Variants in USP22 observed in about 807,000 individuals in gnomAD.
USP22 encodes ubiquitin carboxyl-terminal hydrolase 22.
In USP22, 22 loss-of-function variants were observed where a neutral mutation model predicts 68.1. The observed-to-expected ratio is 0.32, with a 90% CI of 0.23 to 0.46. The LOEUF is 0.46. USP22 is among the 20% of genes least tolerant of loss of function. USP22 has a pLI of 1.00. For synonymous variants in USP22, 279 were observed against 274.2 expected, an observed-to-expected ratio of 1.02 and a Z score of -0.17; for missense variants, 433 against 695.8, an observed-to-expected ratio of 0.62 and a Z score of 4.25.
At position 21,019,172 on chromosome 17, in the gene USP22, CTT is replaced by C. The variant is rs940212814; in HGVS notation, c.430_431del (p.Lys144ValfsTer12). On this transcript the variant is annotated frameshift_variant, in exon 4 of 13. Coordinates refer to ENST00000261497, the MANE Select transcript of USP22 (RefSeq NM_015276.2). LOFTEE classifies it high-confidence loss of function. ...GTTTGGTTGGTTCCCAAGTTGAAAA[CTT>C]CTCTCCAACGCCTAAGCAGATGAAG... is the stretch of plus-strand genomic sequence containing the variant. Reference protein sequence around the residue: ...KAWKMQGVGEKFSTWEPTKRE... With the variant: ...KAWKMQGVGEXFSTWEPTKRE... 1 of 1,613,998 alleles carries C rather than the reference CTT, an allele frequency of 6.2e-7. No individual in the cohort carries two copies. The highest frequency in any genetic ancestry group is 1.3e-5 in the African/African-American group (1 of 74,934).
At position 21,000,377 on chromosome 17, in the gene USP22, C is replaced by T; in HGVS notation, c.*2654G>A. On this transcript the variant is annotated 3_prime_UTR_variant, in exon 13 of 13. Transcript: ENST00000261497. ...CAGGGCCGCCGCCGCCTCCTGTGAGCAGCTCTTCAGCAGCAGGCATCAGGT... is the reference window on the plus strand; with the variant it reads ...CAGGGCCGCCGCCGCCTCCTGTGAGTAGCTCTTCAGCAGCAGGCATCAGGT... The T allele has an allele frequency of 6.6e-6, 1 of 152,454 alleles. No homozygotes were observed. Among genetic ancestry groups the T allele is most frequent in the Non-Finnish European group, 1.5e-5 (1 of 68,120 alleles). The allele number at this position is 152,454 out of a possible 1,614,324, so 9.4% of individuals were successfully genotyped here.
In USP22 at chr17:21,015,857, G is replaced by A. The variant is rs942021050; in HGVS notation, c.733C>T (p.Leu245=). The change falls in exon 6 of 13, where the codon CTG becomes TTG. Residue 245 remains leucine (L), a synonymous_variant. Coordinates refer to ENST00000261497, the MANE Select transcript of USP22 (RefSeq NM_015276.2). Reference sequence around the variant, plus strand: ...CTCGCGTGGGTCCACACCAGGTGCAGCAACTTATACGGGATGTGAGGGGAC... The same window carrying A: ...CTCGCGTGGGTCCACACCAGGTGCAACAACTTATACGGGATGTGAGGGGAC... ...HRSPHIPYKL[L]HLVWTHARHL... The A allele has an allele frequency of 1.2e-6, 2 of 1,614,144 alleles. No homozygotes were observed. Among genetic ancestry groups the A allele is most frequent in the Admixed American group, 1.7e-5 (1 of 60,024 alleles).
intron 1 of USP22, among the ~76,000 whole-genome samples, chr17:21,031,281 T>C (rs1972287793): frequency 6.6e-6 from 1 of 152,210 alleles, no homozygotes; most frequent in South Asian, 2.1e-4. Flanking sequence ...TGTTCATGAC[T>C]TGTAAAAAGA....
intron 1 of USP22, 130 bp downstream of exon 1, chr17:21,042,535 G>A (rs1972452344): frequency 6.8e-6 from 6 of 883,950 alleles, no homozygotes; most frequent in Non-Finnish European, 9.0e-6. Flanking sequence ...GGCAGAAGGA[G>A]AGAGGAAGAG....
At chr17:21,039,096 C>A (rs1286439248) in intron 1 of USP22, among the ~76,000 whole-genome samples, 1 of 151,944 alleles carries the variant, frequency 6.6e-6, no homozygotes, top group Non-Finnish European at 1.5e-5. Context: ...GGATTACAGG[C>A]GCGTGCCACC....
chr17:21,003,085 G>T lies in USP22; in HGVS notation c.1536-12C>A. 6.2e-7 allele frequency: 1 copy of T among 1,613,876 alleles called. No individual in the cohort carries two copies. Among genetic ancestry groups the T allele is most frequent in the Non-Finnish European group, 8.5e-7 (1 of 1,179,884 alleles). On this transcript the variant is annotated splice_polypyrimidine_tract_variant and intron_variant, in intron 12 of 12. Transcript: ENST00000261497. Reference sequence around the variant, plus strand: ...AGAACAGCAAGTACCTGTGGAGGCAGAGAGAGGGAGGAGGCTCACCTCTAA... The same window carrying T: ...AGAACAGCAAGTACCTGTGGAGGCATAGAGAGGGAGGAGGCTCACCTCTAA...
chr17:21,039,119 T>C (rs1025691550), intron 1 of USP22, among the ~76,000 whole-genome samples: 1 of 151,022 alleles, frequency 6.6e-6, no homozygotes, highest in Admixed American at 6.6e-5. Context: ...GCCCAGCTAA[T>C]TTTGTGTATT....
chr17:21,017,383 G>A (rs551441996), intron 5 of USP22, among the ~76,000 whole-genome samples: 21 of 152,382 alleles, frequency 1.4e-4, no homozygotes, highest in African/African-American at 4.8e-4. Flanking sequence ...TCACGGAGCC[G>A]GTGAGGGCTG....
chr17:21,020,334 C>T (rs1972141036), intron 3 of USP22, among the ~76,000 whole-genome samples: 1 of 151,660 alleles, frequency 6.6e-6, no homozygotes, highest in Non-Finnish European at 1.5e-5. Flanking sequence ...ATGTTTGCTC[C>T]TCTCACTCTG....
At chr17:21,023,444 G>A (rs1422559551) in intron 2 of USP22, among the ~76,000 whole-genome samples, 2 of 152,064 alleles carry the variant, frequency 1.3e-5, no homozygotes, top group Non-Finnish European at 2.9e-5. Context: ...CTTGAGCTCA[G>A]GAGTTCCAGG....
At chr17:21,037,312 T>C (rs1331059498) in intron 1 of USP22, among the ~76,000 whole-genome samples, 1 of 152,068 alleles carries the variant, frequency 6.6e-6, no homozygotes, top group African/African-American at 2.4e-5. Context: ...CCCGGTAGAG[T>C]ACCTATGCAG....
At chr17:21,033,753 A>T (rs1346940865) in intron 1 of USP22, among the ~76,000 whole-genome samples, 24 of 146,220 alleles carry the variant, frequency 1.6e-4, no homozygotes, top group Admixed American at 1.3e-3. Context: ...GACAGGTATA[A>T]TTTTTTTTTT....
At chr17:21,030,368 T>TTGTGTG (rs3047596) in intron 1 of USP22, among the ~76,000 whole-genome samples, 3 of 150,758 alleles carry the variant, frequency 2.0e-5, no homozygotes, top group South Asian at 2.1e-4. Context: ...CTCAGGCCGC[T>TTGTGTG]TGTGTGTGTG....
At chr17:21,037,501 C>G (rs1972372355) in intron 1 of USP22, among the ~76,000 whole-genome samples, 1 of 152,188 alleles carries the variant, frequency 6.6e-6, no homozygotes, top group Non-Finnish European at 1.5e-5. Context: ...GGTCTTCCTT[C>G]CCAAAACTCA....
Position 20,999,910 on chromosome 17 carries a change from G to A in USP22, c.*3121C>T, listed in dbSNP as rs1439430539. ...GTGCTGGCGCTGGAGGGAATGCCCAGGGAGGCTGCAGTGCTCACCACGAAG... is the reference window on the plus strand; with the variant it reads ...GTGCTGGCGCTGGAGGGAATGCCCAAGGAGGCTGCAGTGCTCACCACGAAG... On this transcript the variant is annotated 3_prime_UTR_variant, in exon 13 of 13. Transcript: ENST00000261497. 1 of 152,292 alleles carries A rather than the reference G, an allele frequency of 6.6e-6. No individual in the cohort carries two copies. The highest frequency in any genetic ancestry group is 1.5e-5 in the Non-Finnish European group (1 of 68,112). The allele number at this position is 152,292 out of a possible 1,614,324, so 9.4% of individuals were successfully genotyped here.
chr17:21,038,646 T>C (rs1236939487), intron 1 of USP22, among the ~76,000 whole-genome samples: 3 of 148,524 alleles, frequency 2.0e-5, no homozygotes, highest in Non-Finnish European at 4.4e-5. Context: ...CCAGCCTGAG[T>C]GAGAGACAGA....
intron 1 of USP22, among the ~76,000 whole-genome samples, chr17:21,032,350 C>G (rs1323812333): frequency 6.6e-6 from 1 of 151,180 alleles, no homozygotes; most frequent in Non-Finnish European, 1.5e-5. Context: ...TTATTTTTCC[C>G]CAATCTACAC....
rs1972360083 is a variant in USP22, at chr17:21,036,528, G to GGA, written c.171+6136_171+6137insTC. Reference sequence around the variant, plus strand: ...CTGAGCACTGTACTGTAAGGGGGGGGGGGGTCAAGTCATTTCCCAAGGGAG... The same window carrying GGA: ...CTGAGCACTGTACTGTAAGGGGGGGGGAGGGGTCAAGTCATTTCCCAAGGGAG... On this transcript the variant is annotated intron_variant, in intron 1 of 12. Transcript: ENST00000261497. Among the ~76,000 whole-genome samples, 14 of 139,352 alleles carry GGA rather than the reference G, an allele frequency of 1.0e-4. 1 individual carries two copies. Among genetic ancestry groups the GGA allele is most frequent in the African/African-American group, 3.1e-4 (12 of 38,530 alleles). 91.4% of individuals were successfully genotyped at this position (139,352 alleles called of 152,430 possible). A position where few individuals can be genotyped will look rare whatever the true frequency, so the allele number is the denominator to read the frequency against.
chr17:21,012,959 G>C (rs778127410), intron 6 of USP22, 24 bp from the exon 7 acceptor site: 1 of 1,607,942 alleles, frequency 6.2e-7, no homozygotes. Flanking sequence ...ACGGCTCTGG[G>C]ATTAGTGTCT....
Sources: gnomAD v4.1 joint callset for allele counts (sites outside exome capture counted in the v4.1 genomes callset) on GRCh38, gnomAD v4.1.1 for gene constraint, MANE v1.5 for transcripts, NCBI Gene and HGNC (gene_info 2026-07-23, HGNC 2026-07-21) for gene names.